Variants in EYA1 observed in about 807,000 individuals in gnomAD.
EYA1 encodes the protein protein phosphatase EYA1.
A neutral mutation model predicts 82.0 loss-of-function variants in EYA1; 16 were observed. The observed-to-expected ratio is 0.20, with a 90% CI of 0.13 to 0.30. EYA1 has a LOEUF of 0.30. Among genes scored for constraint, EYA1 ranks in the 10% least tolerant of loss-of-function variants. EYA1 has a pLI of 1.00. For missense variants in EYA1, 633 were observed against 730.7 expected (o/e 0.87, Z 1.54); for synonymous variants, 261 against 264.4 (o/e 0.99, Z 0.12).
chr8:71,206,403 G>T (rs1807777953), intron 17 of EYA1, among the ~76,000 whole-genome samples: 2 of 152,026 alleles, frequency 1.3e-5, no homozygotes, highest in South Asian at 4.2e-4. Flanking sequence ...TGTACTTTTT[G>T]TAGAGACGGG....
At chr8:71,295,841 G>A (rs1819538844) in intron 9 of EYA1, among the ~76,000 whole-genome samples, 1 of 152,148 alleles carries the variant, frequency 6.6e-6, no homozygotes, top group Non-Finnish European at 1.5e-5. Flanking sequence ...GGCGGTGAGG[G>A]GTGATTGGCA....
intron 2 of EYA1, among the ~76,000 whole-genome samples, chr8:71,514,498 G>A (rs763664286): frequency 6.6e-6 from 1 of 152,036 alleles, no homozygotes; most frequent in Non-Finnish European, 1.5e-5. Flanking sequence ...CTCAAGACTG[G>A]GAAGAAAAAG....
chr8:71,307,590 T>C (rs552596768), intron 7 of EYA1, among the ~76,000 whole-genome samples: 1 of 152,218 alleles, frequency 6.6e-6, no homozygotes, highest in Admixed American at 6.5e-5. Flanking sequence ...AAGCACCTTC[T>C]GAAAGGAGTT....
At chr8:71,317,038 C>T (rs979320480) in intron 7 of EYA1, among the ~76,000 whole-genome samples, 8 of 152,160 alleles carry the variant, frequency 5.3e-5, no homozygotes, top group African/African-American at 1.9e-4. Context: ...CACTGGGTGT[C>T]TGTAAATCTG....
At chr8:71,290,409 CAATT>C (rs1818868970) in intron 9 of EYA1, among the ~76,000 whole-genome samples, 1 of 151,962 alleles carries the variant, frequency 6.6e-6, no homozygotes, top group Admixed American at 6.6e-5. Context: ...AATAATGAAT[CAATT>C]AGTTACAAAA....
At chr8:71,406,005 C>T (rs1830198202) in intron 2 of EYA1, among the ~76,000 whole-genome samples, 1 of 152,148 alleles carries the variant, frequency 6.6e-6, no homozygotes, top group African/African-American at 2.4e-5. Context: ...AAAATCCAGA[C>T]TGTGGCAAAC....
chr8:71,254,500 T>C (rs980884103), intron 11 of EYA1, among the ~76,000 whole-genome samples: 1 of 152,052 alleles, frequency 6.6e-6, no homozygotes, highest in Non-Finnish European at 1.5e-5. Flanking sequence ...AGGAGACATA[T>C]AATAAACTGT....
At chr8:71,495,591 G>C (rs547777996) in intron 2 of EYA1, among the ~76,000 whole-genome samples, 1 of 152,112 alleles carries the variant, frequency 6.6e-6, no homozygotes, top group Non-Finnish European at 1.5e-5. Context: ...TAGCCTGGGC[G>C]ACAGACCAAG....
At chr8:71,449,516 A>G (rs1478098197) in intron 2 of EYA1, among the ~76,000 whole-genome samples, 1 of 152,218 alleles carries the variant, frequency 6.6e-6, no homozygotes, top group African/African-American at 2.4e-5. Context: ...TGGGCTTAAA[A>G]TATTTAAAAA....
At chr8:71,513,200 A>G (rs1441889499) in intron 2 of EYA1, among the ~76,000 whole-genome samples, 1 of 152,014 alleles carries the variant, frequency 6.6e-6, no homozygotes, top group Non-Finnish European at 1.5e-5. Context: ...CAAACAAAAG[A>G]ATGGTGACAA....
At chr8:71,387,261 G>A (rs1829018943) in intron 2 of EYA1, among the ~76,000 whole-genome samples, 1 of 152,082 alleles carries the variant, frequency 6.6e-6, no homozygotes, top group Admixed American at 6.6e-5. Context: ...AGGTAAGCTG[G>A]GAATGACAAG....
At chr8:71,336,512 T>C (rs1228900176) in intron 3 of EYA1, among the ~76,000 whole-genome samples, 1 of 152,234 alleles carries the variant, frequency 6.6e-6, no homozygotes. Flanking sequence ...AATGCTTGAC[T>C]ACACCAAAAC....
At chr8:71,349,010 A>C (rs957198251) in intron 3 of EYA1, among the ~76,000 whole-genome samples, 4 of 152,240 alleles carry the variant, frequency 2.6e-5, no homozygotes, top group African/African-American at 9.6e-5. Flanking sequence ...TGTGCATATA[A>C]TAACCATTAT....
At chr8:71,340,411 G>T (rs1824987067) in intron 3 of EYA1, among the ~76,000 whole-genome samples, 1 of 152,130 alleles carries the variant, frequency 6.6e-6, no homozygotes, top group Admixed American at 6.6e-5. Flanking sequence ...TATAGATAAA[G>T]AACCATATAT....
chr8:71,544,096 G>C (rs1815363320), intron 1 of EYA1, among the ~76,000 whole-genome samples: 1 of 152,180 alleles, frequency 6.6e-6, no homozygotes, highest in Non-Finnish European at 1.5e-5. Context: ...TAAGCTGTCA[G>C]AAAAGAGGCA....
At chr8:71,460,248 T>A (rs1471796458) in intron 2 of EYA1, among the ~76,000 whole-genome samples, 1 of 152,182 alleles carries the variant, frequency 6.6e-6, no homozygotes, top group East Asian at 1.9e-4. Flanking sequence ...ACTGGTATCC[T>A]GAGAAGCTTG....
intron 11 of EYA1, among the ~76,000 whole-genome samples, chr8:71,248,032 G>A (rs191527684): frequency 3.2e-4 from 48 of 152,190 alleles, no homozygotes; most frequent in African/African-American, 1.0e-3. Flanking sequence ...TCTATTGTTC[G>A]TTAATATATA....
chr8:71,355,149 A>AT (rs1311491096), intron 2 of EYA1, among the ~76,000 whole-genome samples: 2 of 152,218 alleles, frequency 1.3e-5, no homozygotes, highest in African/African-American at 4.8e-5. Context: ...TTAAAATTTC[A>AT]TTTTTCTCTT....
At chr8:71,315,903 C>T (rs907340557) in intron 7 of EYA1, among the ~76,000 whole-genome samples, 4 of 151,756 alleles carry the variant, frequency 2.6e-5, no homozygotes, top group African/African-American at 9.7e-5. Context: ...GAATCAAATG[C>T]AAAATCAAAT....
Sources: gnomAD v4.1 joint callset for allele counts (sites outside exome capture counted in the v4.1 genomes callset) on GRCh38, gnomAD v4.1.1 for gene constraint, MANE v1.5 for transcripts, NCBI Gene and HGNC (gene_info 2026-07-23, HGNC 2026-07-21) for gene names.